The following CADPS2 variants were observed in gnomAD, a reference collection of about 807,000 sequenced individuals.
CADPS2 encodes the protein calcium-dependent secretion activator 2.
CADPS2 carries 93 observed loss-of-function variants against 172.5 expected under a neutral mutation model. The observed-to-expected ratio is 0.54, with a 90% CI of 0.46 to 0.64. CADPS2 has a LOEUF of 0.64. Ranked by LOEUF, CADPS2 falls within the 30% of genes least tolerant of loss-of-function variation. The pLI is 0.00. For synonymous variants in CADPS2, 546 were observed against 555.2 expected (o/e 0.98, Z 0.23); for missense variants, 1,420 against 1,565.9 (o/e 0.91, Z 1.57).
chr7:122,719,209 C>A (rs2090067201), intron 2 of CADPS2, among the ~76,000 whole-genome samples: 1 of 150,524 alleles, frequency 6.6e-6, no homozygotes, highest in African/African-American at 2.5e-5. Flanking sequence ...AAGAGCTCTG[C>A]ACAGAGGGGA....
chr7:122,527,687 A>G (rs1010058541), intron 8 of CADPS2, among the ~76,000 whole-genome samples: 2 of 144,654 alleles, frequency 1.4e-5, no homozygotes, highest in African/African-American at 5.1e-5. Context: ...TATGAGGTTC[A>G]GTATTATTAT....
chr7:122,465,176 G>C (rs138417658), intron 14 of CADPS2, among the ~76,000 whole-genome samples: 53 of 151,288 alleles, frequency 3.5e-4, no homozygotes, highest in African/African-American at 1.1e-3. Context: ...ATTGTAGATC[G>C]AGCAAAAAAT....
chr7:122,798,668 AT>A (rs991166001), intron 1 of CADPS2, among the ~76,000 whole-genome samples: 5 of 152,022 alleles, frequency 3.3e-5, no homozygotes, highest in East Asian at 1.9e-4. Flanking sequence ...ATCACAAGCA[AT>A]TTTTTTGTAG....
intron 6 of CADPS2, among the ~76,000 whole-genome samples, chr7:122,595,834 G>A (rs1228883003): frequency 2.0e-5 from 3 of 152,042 alleles, no homozygotes; most frequent in Non-Finnish European, 4.4e-5. Flanking sequence ...GATCACCTGA[G>A]ACTTTTTCTG....
intron 28 of CADPS2, among the ~76,000 whole-genome samples, chr7:122,340,279 T>C (rs1019278909): frequency 1.3e-5 from 2 of 152,184 alleles, no homozygotes; most frequent in African/African-American, 2.4e-5. Flanking sequence ...AAACATTTAA[T>C]CAATTTATAA....
At chr7:122,819,408 C>T (rs767501422) in intron 1 of CADPS2, among the ~76,000 whole-genome samples, 73 of 152,278 alleles carry the variant, frequency 4.8e-4, no homozygotes, top group Non-Finnish European at 7.8e-4. Context: ...ACTGCCCGAT[C>T]GCCTTGGAAG....
At chr7:122,328,356 A>C (rs1437628634) in intron 28 of CADPS2, 1 of 152,154 alleles carries the variant, frequency 6.6e-6, no homozygotes, top group African/African-American at 2.4e-5. Context: ...AAACCAAACA[A>C]AAAATTGGAA....
chr7:122,704,855 T>C (rs549645866), intron 2 of CADPS2, among the ~76,000 whole-genome samples: 1 of 151,960 alleles, frequency 6.6e-6, no homozygotes, highest in South Asian at 2.1e-4. Context: ...AATTAGAGAG[T>C]GCTACCAGCA....
intron 3 of CADPS2, 146 bp downstream of exon 3, chr7:122,663,091 C>G (rs552958733): frequency 7.9e-6 from 5 of 630,700 alleles, no homozygotes; most frequent in Non-Finnish European, 1.4e-5. Flanking sequence ...TCAAATATCA[C>G]TATGTGATCT....
At chr7:122,762,990 C>T (rs2138813843) in intron 1 of CADPS2, among the ~76,000 whole-genome samples, 1 of 152,082 alleles carries the variant, frequency 6.6e-6, no homozygotes, top group Admixed American at 6.6e-5. Context: ...GCGAAGGTGA[C>T]CTACAGAGCA....
intron 2 of CADPS2, chr7:122,697,864 A>C: frequency 6.2e-7 from 1 of 1,613,192 alleles, no homozygotes; most frequent in Non-Finnish European, 8.5e-7. Context: ...GTTCTCCTCC[A>C]CATGGATTAC....
chr7:122,421,927 T>C (rs1173622235), intron 17 of CADPS2: 2 of 152,218 alleles, frequency 1.3e-5, no homozygotes, highest in Non-Finnish European at 2.9e-5. Flanking sequence ...CAGTCCAAAG[T>C]GGAAGTCTTT....
intron 29 of CADPS2, 114 bp from the exon 30 acceptor site, chr7:122,320,452 G>A (rs887963747): frequency 7.0e-6 from 5 of 717,456 alleles, no homozygotes; most frequent in African/African-American, 5.4e-5. Context: ...ATAGGTTCAT[G>A]TGGCTGTCCA....
At position 122,704,636 on chromosome 7, in the gene CADPS2, G is replaced by T. The variant is rs182748737; in HGVS notation, c.453+32319C>A. On this transcript the variant is annotated intron_variant, in intron 2 of 29. Coordinates refer to ENST00000449022, the MANE Select transcript of CADPS2 (RefSeq NM_017954.11). ...GTATGGTTGAAAGGACCAATTTGAG[G>T]AACTTAGCTCATTCATTCTATTTTT... Among the ~76,000 whole-genome samples the T allele has an allele frequency of 4.3e-4, 66 of 152,118 alleles. 1 individual carries two copies. Among genetic ancestry groups the T allele is most frequent in the African/African-American group, 1.6e-3 (66 of 41,520 alleles).
At chr7:122,881,497 C>T (rs1218750790) in intron 1 of CADPS2, among the ~76,000 whole-genome samples, 5 of 152,148 alleles carry the variant, frequency 3.3e-5, no homozygotes, top group African/African-American at 1.2e-4. Context: ...GTTTCCAACT[C>T]ACTCCCAACA....
chr7:122,382,585 A>C (rs903738907), intron 24 of CADPS2, among the ~76,000 whole-genome samples: 2 of 152,152 alleles, frequency 1.3e-5, no homozygotes, highest in African/African-American at 4.8e-5. Context: ...TAAAATTGAT[A>C]GGTTTTTTTT....
intron 1 of CADPS2, among the ~76,000 whole-genome samples, chr7:122,873,581 T>A (rs1242471417): frequency 6.6e-6 from 1 of 152,214 alleles, no homozygotes; most frequent in Non-Finnish European, 1.5e-5. Flanking sequence ...TGATGGGCAT[T>A]TTTGGTGGTT....
In CADPS2 at chr7:122,843,235, C is replaced by CT. The variant is rs537845491; in HGVS notation, c.339+42763dup. ...ACTCAATCACACATCATAAGAGTTG[C>CT]TTTTTTTTTTGGCTTTCCTAATGTA... On this transcript the variant is annotated intron_variant, in intron 1 of 29. Transcript: ENST00000449022. Among the ~76,000 whole-genome samples, 575 of 146,920 alleles carry CT rather than the reference C, an allele frequency of 3.9e-3. 7 individuals carry two copies. Among genetic ancestry groups the CT allele is most frequent in the Admixed American group, 0.02 (300 of 14,656 alleles).
intron 9 of CADPS2, among the ~76,000 whole-genome samples, chr7:122,508,449 GTTTTTTTTTTTTTTTT>G (rs1205155217): frequency 1.9e-4 from 13 of 68,420 alleles, no homozygotes; most frequent in South Asian, 5.0e-4. Context: ...ATTCATTTAA[GTTTTTTTTTTTTTTTT>G]TTTTTTTTTT....
Sources: gnomAD v4.1 joint callset for allele counts (sites outside exome capture counted in the v4.1 genomes callset) on GRCh38, gnomAD v4.1.1 for gene constraint, MANE v1.5 for transcripts, NCBI Gene and HGNC (gene_info 2026-07-23, HGNC 2026-07-21) for gene names.